Variants in WWOX observed in about 807,000 individuals in gnomAD.
WWOX encodes WW domain-containing oxidoreductase.
In WWOX, 69 loss-of-function variants were observed where a neutral mutation model predicts 46.2. The observed-to-expected ratio is 1.49, with a 90% CI of 1.23 to 1.82. WWOX has a LOEUF of 1.82. WWOX is among the 40% of genes most tolerant of loss of function. The pLI is 0.00. For synonymous variants in WWOX, 359 were observed against 202.6 expected (o/e 1.77, Z -6.56); for missense variants, 919 against 542.6 (o/e 1.69, Z -6.89).
chr16:78,753,819 AAAAAAAATATATATATATATAT>A (rs1322959183), intron 8 of WWOX, among the ~76,000 whole-genome samples: 22 of 68,398 alleles, frequency 3.2e-4, no homozygotes, highest in African/African-American at 1.0e-3. Context: ...AAAAAAAAAA[AAAAAAAATATATATATATATAT>A]ATATATATAT....
intron 8 of WWOX, among the ~76,000 whole-genome samples, chr16:78,553,552 C>T (rs1005666679): frequency 2.6e-5 from 4 of 152,072 alleles, no homozygotes; most frequent in Non-Finnish European, 5.9e-5. Context: ...TCTACTATCT[C>T]TAAGAATCCG....
At chr16:78,221,094 C>T (rs545729350) in intron 5 of WWOX, among the ~76,000 whole-genome samples, 7 of 152,154 alleles carry the variant, frequency 4.6e-5, no homozygotes, top group South Asian at 2.1e-4. Context: ...GAGTTAAGCT[C>T]GGTTCATCTG....
intron 8 of WWOX, chr16:79,077,241 A>G (rs1298993335): frequency 6.6e-6 from 1 of 152,106 alleles, no homozygotes; most frequent in East Asian, 1.9e-4. Flanking sequence ...ATTTTTGCCC[A>G]CTATTAAAAT....
intron 8 of WWOX, among the ~76,000 whole-genome samples, chr16:78,626,589 G>A (rs1323431399): frequency 6.6e-6 from 1 of 152,106 alleles, no homozygotes; most frequent in Non-Finnish European, 1.5e-5. Flanking sequence ...TGATTCACCT[G>A]GTCAAGGTAG....
chr16:78,979,393 C>A (rs1597232102), intron 8 of WWOX, among the ~76,000 whole-genome samples: 1 of 152,126 alleles, frequency 6.6e-6, no homozygotes, highest in South Asian at 2.1e-4. Flanking sequence ...TCAGCAGCAG[C>A]AACAAGAAGA....
chr16:78,600,069 A>G (rs535355581), intron 8 of WWOX, among the ~76,000 whole-genome samples: 12 of 152,192 alleles, frequency 7.9e-5, no homozygotes, highest in African/African-American at 2.6e-4. Flanking sequence ...CATATCTTAC[A>G]TGGTTGGCAG....
At chr16:78,931,012 C>A (rs1050677911) in intron 8 of WWOX, among the ~76,000 whole-genome samples, 1 of 152,182 alleles carries the variant, frequency 6.6e-6, no homozygotes, top group Non-Finnish European at 1.5e-5. Flanking sequence ...ATAGCAATAT[C>A]TATCTCCTAC....
chr16:78,827,459 A>T (rs8048851), intron 8 of WWOX, among the ~76,000 whole-genome samples: 2 of 151,712 alleles, frequency 1.3e-5, no homozygotes, highest in Non-Finnish European at 2.9e-5. Context: ...CTGTTCTGCA[A>T]GTTTCTCCTT....
intron 8 of WWOX, among the ~76,000 whole-genome samples, chr16:78,700,700 C>T (rs1369164505): frequency 1.3e-5 from 2 of 152,106 alleles, no homozygotes; most frequent in African/African-American, 4.8e-5. Flanking sequence ...CTGCAGTGAG[C>T]CTGTGGCCAC....
chr16:79,142,365 A>C (rs146774533), intron 8 of WWOX, among the ~76,000 whole-genome samples: 2 of 152,198 alleles, frequency 1.3e-5, no homozygotes, highest in Middle Eastern at 3.2e-3. Context: ...GCAGGAGCCA[A>C]TGATTACCCA....
intron 8 of WWOX, among the ~76,000 whole-genome samples, chr16:78,984,393 C>G (rs555850058): frequency 2.0e-5 from 3 of 152,180 alleles, no homozygotes; most frequent in Non-Finnish European, 4.4e-5. Flanking sequence ...ATATTTTATA[C>G]TTTGTGGGTC....
At position 79,172,157 on chromosome 16, in the gene WWOX, CG is replaced by C. The variant is rs111557399; in HGVS notation, c.1057-39450del. Among the ~76,000 whole-genome samples the C allele has an allele frequency of 8.3e-3, 1,262 of 152,252 alleles. 13 individuals carry two copies. The highest frequency in any genetic ancestry group is 0.03 in the African/African-American group (1,231 of 41,556). ...CTTGGGTTCCTGGTGGTTAGTTGTA[CG>C]CCCCATGAACTTCTCTCATTTCCTT... is the stretch of plus-strand genomic sequence containing the variant. On this transcript the variant is annotated intron_variant, in intron 8 of 8. Transcript: ENST00000566780.
intron 8 of WWOX, among the ~76,000 whole-genome samples, chr16:79,147,567 T>C (rs1244859742): frequency 6.6e-6 from 1 of 152,190 alleles, no homozygotes; most frequent in Non-Finnish European, 1.5e-5. Context: ...TGTACACAAG[T>C]GTTTGTGTAA....
intron 8 of WWOX, among the ~76,000 whole-genome samples, chr16:78,487,845 C>T (rs539560510): frequency 1.3e-5 from 2 of 152,238 alleles, no homozygotes; most frequent in African/African-American, 4.8e-5. Flanking sequence ...CAGGAACCAC[C>T]AATCCCCCAA....
intron 8 of WWOX, among the ~76,000 whole-genome samples, chr16:78,547,545 C>CTTTA (rs2044070576): frequency 6.6e-6 from 1 of 152,158 alleles, no homozygotes; most frequent in South Asian, 2.1e-4. Flanking sequence ...AAGCCTTGTG[C>CTTTA]TTTAGTCTGT....
chr16:78,655,456 A>T (rs766834909), intron 8 of WWOX, among the ~76,000 whole-genome samples: 1 of 152,172 alleles, frequency 6.6e-6, no homozygotes, highest in African/African-American at 2.4e-5. Flanking sequence ...AAATATATGA[A>T]TCTCATCTGA....
At chr16:78,888,065 A>T (rs948420507) in intron 8 of WWOX, among the ~76,000 whole-genome samples, 4 of 152,246 alleles carry the variant, frequency 2.6e-5, no homozygotes, top group Non-Finnish European at 5.9e-5. Flanking sequence ...GCTGTCAGCC[A>T]TGAATATTTT....
chr16:78,355,190 A>G (rs1368740726), intron 5 of WWOX, among the ~76,000 whole-genome samples: 1 of 152,134 alleles, frequency 6.6e-6, no homozygotes, highest in Non-Finnish European at 1.5e-5. Flanking sequence ...CAGTCACTCT[A>G]TAGTAACTAT....
intron 8 of WWOX, among the ~76,000 whole-genome samples, chr16:79,056,000 T>G (rs1248987631): frequency 6.6e-6 from 1 of 152,196 alleles, no homozygotes; most frequent in East Asian, 1.9e-4. Flanking sequence ...TGCCTAATCT[T>G]CTATTTAGCA....
Sources: allele counts gnomAD v4.1 joint callset (sites outside exome capture counted in the v4.1 genomes callset), GRCh38; gene constraint gnomAD v4.1.1; transcripts MANE v1.5; gene names NCBI Gene and HGNC (gene_info 2026-07-23, HGNC 2026-07-21).